GEMIN5: variants seen among roughly 807,000 people sequenced by gnomAD.
GEMIN5 encodes gem-associated protein 5.
Under a neutral mutation model 176.9 loss-of-function variants are expected in GEMIN5, and 124 were observed. That is an observed-to-expected ratio of 0.70 (90% confidence interval 0.61 to 0.81). GEMIN5 has a LOEUF of 0.81. Ranked by LOEUF, GEMIN5 falls within the 40% of genes least tolerant of loss-of-function variation. The probability of loss-of-function intolerance (pLI) is 0.00; values close to 1 mark genes in which losing one functional copy is unlikely to be tolerated. For synonymous variants in GEMIN5, 673 were observed against 665.2 expected, an observed-to-expected ratio of 1.01 and a Z score of -0.18; for missense variants, 1,843 against 1,814.6, an observed-to-expected ratio of 1.02 and a Z score of -0.28.
rs2113459485 is a variant in GEMIN5, at chr5:154,896,266, G to C, written c.3423C>G (p.Ser1141Arg). 1 of 1,612,934 alleles carries C rather than the reference G, an allele frequency of 6.2e-7. No homozygotes were observed. Among genetic ancestry groups the C allele is most frequent in the East Asian group, 2.2e-5 (1 of 44,830 alleles). The change falls in exon 24 of 28, where the codon AGC (serine) becomes AGG (arginine). Residue 1141 changes from serine to arginine, a missense_variant. Ser to Arg is a moderately radical substitution (Grantham distance 110). Coordinates refer to ENST00000285873, the MANE Select transcript of GEMIN5 (RefSeq NM_015465.5). ...LEEKQLSEGK[S>R]SSSYHTWNTG... Reference sequence around the variant, plus strand: ...TGTTCCAAGTGTGGTAAGAGGAGGAGCTTTTGCCCTCTGAAAGCTGCTTTT... The same window carrying C: ...TGTTCCAAGTGTGGTAAGAGGAGGACCTTTTGCCCTCTGAAAGCTGCTTTT...
chr5:154,936,664 C>T (rs1214779637), intron 2 of GEMIN5, among the ~76,000 whole-genome samples: 1 of 152,092 alleles, frequency 6.6e-6, no homozygotes, highest in African/African-American at 2.4e-5. Context: ...ATCAGGAGTC[C>T]ATTTGTATCA....
chr5:154,908,157 T>G (rs1763610927), intron 15 of GEMIN5, among the ~76,000 whole-genome samples: 1 of 150,754 alleles, frequency 6.6e-6, no homozygotes, highest in Non-Finnish European at 1.5e-5. Context: ...GTTCTGCCAA[T>G]TTTACCCAGA....
chr5:154,898,111 G>C (rs756197096), intron 23 of GEMIN5, among the ~76,000 whole-genome samples: 1 of 152,040 alleles, frequency 6.6e-6, no homozygotes, highest in Non-Finnish European at 1.5e-5. Context: ...ATGTTGTCCA[G>C]GCTTGTCTCA....
chr5:154,931,343 A>T, intron 5 of GEMIN5, 115 bp downstream of exon 5: 2 of 1,089,550 alleles, frequency 1.8e-6, no homozygotes, highest in Non-Finnish European at 2.6e-6. Context: ...TCTAGACCAA[A>T]AAGTGAAGAA....
chr5:154,913,484 A>C (rs908073771), intron 13 of GEMIN5, among the ~76,000 whole-genome samples: 1 of 152,220 alleles, frequency 6.6e-6, no homozygotes, highest in Non-Finnish European at 1.5e-5. Context: ...AAGCATCTAC[A>C]AAACGAGTGC....
chr5:154,903,035 A>G (rs764039021), intron 19 of GEMIN5, 45 bp downstream of exon 19: 5 of 1,233,396 alleles, frequency 4.1e-6, no homozygotes, highest in Non-Finnish European at 5.9e-6. Context: ...AAATGTTGGG[A>G]AAGTATAAAG....
intron 23 of GEMIN5, among the ~76,000 whole-genome samples, chr5:154,898,006 T>C (rs1433959679): frequency 1.3e-5 from 2 of 150,716 alleles, no homozygotes; most frequent in African/African-American, 2.4e-5. Context: ...TTCAAGTGAT[T>C]CTCCTGCCTC....
chr5:154,917,456 G>A (rs1179886023), intron 12 of GEMIN5, among the ~76,000 whole-genome samples: 4 of 152,118 alleles, frequency 2.6e-5, no homozygotes, highest in Non-Finnish European at 5.9e-5. Context: ...CACTACCTCA[G>A]TGTAACAATC....
rs191703731 is a variant in GEMIN5, at chr5:154,932,825, A to G, written c.510-575T>C. On this transcript the variant is annotated intron_variant, in intron 3 of 27. Transcript: ENST00000285873. ...AGCAATCTACCTGCGTTGGCCTCCT[A>G]AAGTGATGGGATTATAGGCATCAGC... 7.2e-5 allele frequency among the ~76,000 whole-genome samples: 11 copies of G among 152,288 alleles called. No individual in the cohort carries two copies. The East Asian group carries it at 1.9e-3, about 27-fold the overall frequency.
rs1582648029 is a variant in GEMIN5, at chr5:154,892,406, G to A, written c.3741C>T (p.Tyr1247=). 6.2e-7 allele frequency: 1 copy of A among 1,614,044 alleles called. No homozygotes were observed. The highest frequency in any genetic ancestry group is 8.5e-7 in the Non-Finnish European group (1 of 1,179,962). Residue 1247 remains tyrosine, a synonymous_variant, in exon 25 of 28, where the codon TAC becomes TAT. Coordinates refer to ENST00000285873, the MANE Select transcript of GEMIN5 (RefSeq NM_015465.5). ...SGSFTIMQEV[Y]SAFLPDGCDH... Reference sequence around the variant, plus strand: ...ACTTACCGTCAGGGAGAAAGGCTGAGTACACTTCCTGCATGATGGTGAAGC... The same window carrying A: ...ACTTACCGTCAGGGAGAAAGGCTGAATACACTTCCTGCATGATGGTGAAGC...
intron 15 of GEMIN5, 96 bp downstream of exon 15, chr5:154,911,631 A>G: frequency 9.5e-7 from 1 of 1,048,916 alleles, no homozygotes; most frequent in Non-Finnish European, 1.4e-6. Context: ...ACTGACACTA[A>G]TGCCCTACAC....
At chr5:154,893,287 G>A (rs1387105484) in intron 24 of GEMIN5, among the ~76,000 whole-genome samples, 13 of 140,074 alleles carry the variant, frequency 9.3e-5, no homozygotes, top group African/African-American at 2.1e-4. Context: ...AAAATTAGCC[G>A]GGCTTGGTGG....
Position 154,891,382 on chromosome 5 carries a change from A to C in GEMIN5, c.4121T>G (p.Val1374Gly). ...HASLQNSQRT[V>G]AEVQETLAEM... is the part of the protein sequence containing the mutation. ...TGCCAAGGTCTCTTGGACTTCAGCA[A>C]CAGTTCTCTGTGAGTTTTGGAGACT... The change falls in exon 26 of 28, where the codon GTT becomes GGT. Residue 1374 changes from valine to glycine, a missense_variant. Transcript: ENST00000285873. 1 of 1,614,174 alleles carries C rather than the reference A, an allele frequency of 6.2e-7. No homozygotes were observed. Among genetic ancestry groups the C allele is most frequent in the Middle Eastern group, 1.6e-4 (1 of 6,062 alleles).
At position 154,892,410 on chromosome 5, in the gene GEMIN5, A is replaced by G. The variant is rs1284847508; in HGVS notation, c.3737T>C (p.Val1246Ala). The change falls in exon 25 of 28, where the codon GTG becomes GCG. Residue 1246 changes from valine (V) to alanine (A), a missense_variant. Val to Ala is a moderately conservative substitution (Grantham distance 64). Coordinates refer to ENST00000285873, the MANE Select transcript of GEMIN5 (RefSeq NM_015465.5). ...DSGSFTIMQE[V>A]YSAFLPDGCD... Reference sequence around the variant, plus strand: ...ACCGTCAGGGAGAAAGGCTGAGTACACTTCCTGCATGATGGTGAAGCTCCC... The same window carrying G: ...ACCGTCAGGGAGAAAGGCTGAGTACGCTTCCTGCATGATGGTGAAGCTCCC... 1.2e-6 allele frequency: 2 copies of G among 1,614,112 alleles called. No individual in the cohort carries two copies. The highest frequency in any genetic ancestry group is 1.7e-6 in the Non-Finnish European group (2 of 1,179,994).
chr5:154,893,693 A>G (rs1268451378), intron 24 of GEMIN5, among the ~76,000 whole-genome samples: 1 of 152,202 alleles, frequency 6.6e-6, no homozygotes, highest in East Asian at 1.9e-4. Context: ...ACCACAGAGT[A>G]TATAGTCTTT....
In GEMIN5 at chr5:154,897,960, C is replaced by T. The variant is rs1477716273; in HGVS notation, c.3345+480G>A. On this transcript the variant is annotated intron_variant, in intron 23 of 27. Coordinates refer to ENST00000285873, the MANE Select transcript of GEMIN5 (RefSeq NM_015465.5). ...ACAGAGTCCCACTATGTTGCCCAGGCTGGATCTTGGCTCGCTGCAACCTCC... is the reference window on the plus strand; with the variant it reads ...ACAGAGTCCCACTATGTTGCCCAGGTTGGATCTTGGCTCGCTGCAACCTCC... 2.9e-5 allele frequency among the ~76,000 whole-genome samples: 4 copies of T among 136,950 alleles called. No homozygotes were observed. The East Asian group carries it at 8.9e-4, about 31-fold the overall frequency. The allele number at this position is 136,950 out of a possible 152,430, so 89.8% of individuals were successfully genotyped here.
intron 11 of GEMIN5, 129 bp from the exon 12 acceptor site, chr5:154,918,133 C>A: frequency 1.6e-6 from 1 of 620,878 alleles, no homozygotes; most frequent in Admixed American, 2.8e-5. Context: ...TGTAAATAAT[C>A]TACATAATTA....
rs746581979 is a variant in GEMIN5, at chr5:154,917,143, C to T, written c.1710G>A (p.Leu570=). The stretch of plus-strand genomic sequence containing the variant: ...TGTGATGCTGTTGGATAGTACAGAT[C>T]AGTTTCAGGTTGGGAATCTGAAATA... ...IEIFQIPNLK[L]ICTIQQHHKL... Residue 570 remains leucine, a synonymous_variant, in exon 13 of 28, where the codon CTG becomes CTA. Transcript: ENST00000285873. The T allele has an allele frequency of 1.2e-5, 18 of 1,541,744 alleles. 1 individual carries two copies. Among genetic ancestry groups the T allele is most frequent in the African/African-American group, 1.4e-5 (1 of 73,296 alleles).
chr5:154,902,011 A>G (rs1003509263), intron 20 of GEMIN5, among the ~76,000 whole-genome samples: 1 of 152,086 alleles, frequency 6.6e-6, no homozygotes, highest in South Asian at 2.1e-4. Context: ...CATGTTGCCT[A>G]GGCTGGTCTC....
Sources: allele counts gnomAD v4.1 joint callset (sites outside exome capture counted in the v4.1 genomes callset), GRCh38; gene constraint gnomAD v4.1.1; transcripts MANE v1.5; gene names NCBI Gene and HGNC (gene_info 2026-07-23, HGNC 2026-07-21).